Variants in AAK1 observed in about 807,000 individuals in gnomAD.
The protein encoded by AAK1 is AP2-associated protein kinase 1.
A neutral mutation model predicts 116.0 loss-of-function variants in AAK1; 37 were observed. The observed-to-expected ratio is 0.32, with a 90% CI of 0.25 to 0.42. The LOEUF is 0.42. AAK1 is among the 10% of genes least tolerant of loss of function. AAK1 has a pLI of 1.00. For synonymous variants in AAK1, 458 were observed against 439.9 expected (o/e 1.04, Z -0.51); for missense variants, 919 against 1,170.6 (o/e 0.79, Z 3.14).
chr2:69,514,353 C>G, intron 13 of AAK1, 118 bp downstream of exon 13: 2 of 1,316,438 alleles, frequency 1.5e-6, no homozygotes, highest in Non-Finnish European at 2.0e-6. Flanking sequence ...ATTGAACCAC[C>G]CAGGTGGGAA....
At chr2:69,604,122 T>C (rs1416735820) in intron 2 of AAK1, among the ~76,000 whole-genome samples, 1 of 152,186 alleles carries the variant, frequency 6.6e-6, no homozygotes, top group Non-Finnish European at 1.5e-5. Flanking sequence ...TCTCCAGTGT[T>C]ATTTTGACCA....
intron 5 of AAK1, among the ~76,000 whole-genome samples, chr2:69,536,506 T>A (rs954377868): frequency 1.3e-5 from 2 of 152,186 alleles, no homozygotes; most frequent in African/African-American, 4.8e-5. Context: ...TAGACAGTCG[T>A]ACACCACCTT....
chr2:69,598,246 A>G, intron 2 of AAK1: 2 of 493,510 alleles, frequency 4.1e-6, no homozygotes, highest in Non-Finnish European at 6.6e-6. Flanking sequence ...GAAACCAGAG[A>G]AGTTTTTCAC....
Position 69,478,943 on chromosome 2 carries a change from G to A in AAK1, c.2680+8C>T. On this transcript the variant is annotated splice_region_variant and intron_variant, in intron 20 of 21. Transcript: ENST00000409085. ...CACATGTGGGCCTGAGAAGAAGAAAGCATTTACCTTTATGGACTGGAGCAG... is the reference window on the plus strand; with the variant it reads ...CACATGTGGGCCTGAGAAGAAGAAAACATTTACCTTTATGGACTGGAGCAG... 6.3e-7 allele frequency: 1 copy of A among 1,598,170 alleles called. No individual in the cohort carries two copies. Among genetic ancestry groups the A allele is most frequent in the South Asian group, 1.1e-5 (1 of 90,740 alleles).
At chr2:69,638,308 C>A (rs1313371231) in intron 2 of AAK1, among the ~76,000 whole-genome samples, 2 of 152,228 alleles carry the variant, frequency 1.3e-5, no homozygotes, top group Non-Finnish European at 2.9e-5. Context: ...CCTGTTCATA[C>A]CTTTCGGTAA....
intron 2 of AAK1, among the ~76,000 whole-genome samples, chr2:69,583,216 G>T (rs931760294): frequency 5.9e-5 from 9 of 152,188 alleles, no homozygotes; most frequent in African/African-American, 2.2e-4. Context: ...CCACATTTTG[G>T]TGATTCTTCA....
rs996269378 is a variant in AAK1 at position 69,474,666 on chromosome 2, T to A, written c.*1203A>T. 1 of 985,664 alleles carries A rather than the reference T, an allele frequency of 1.0e-6. No individual in the cohort carries two copies. The highest frequency in any genetic ancestry group is 1.7e-5 in the African/African-American group (1 of 57,232). 61.1% of individuals were successfully genotyped at this position (985,664 alleles called of 1,614,324 possible). A position where few individuals can be genotyped will look rare whatever the true frequency, so the allele number is the denominator to read the frequency against. On this transcript the variant is annotated 3_prime_UTR_variant, in exon 22 of 22. Coordinates refer to ENST00000409085, the MANE Select transcript of AAK1 (RefSeq NM_014911.5). Reference sequence around the variant, plus strand: ...GATTGTGTCCAGCTTGTCAGCACACTTATTTCTGATTATCTGAAAATAAAC... The same window carrying A: ...GATTGTGTCCAGCTTGTCAGCACACATATTTCTGATTATCTGAAAATAAAC...
At chr2:69,530,265 T>C (rs1190219381) in intron 7 of AAK1, 125 bp from the exon 8 acceptor site, 2 of 1,019,644 alleles carry the variant, frequency 2.0e-6, no homozygotes, top group East Asian at 2.8e-5. Flanking sequence ...TATTAATGTA[T>C]TAGAAACATG....
At chr2:69,487,262 A>G (rs535231484) in intron 17 of AAK1, among the ~76,000 whole-genome samples, 3 of 152,352 alleles carry the variant, frequency 2.0e-5, no homozygotes, top group East Asian at 3.9e-4. Flanking sequence ...CAGTCTATAA[A>G]TCATGGAGCC....
At chr2:69,642,071 G>A (rs1208676368) in intron 2 of AAK1, among the ~76,000 whole-genome samples, 1 of 152,110 alleles carries the variant, frequency 6.6e-6, no homozygotes, top group Non-Finnish European at 1.5e-5. Flanking sequence ...AAGCCTGGGG[G>A]AATCAAGATG....
Position 69,643,626 on chromosome 2 carries a change from C to G in AAK1, c.-286G>C, listed in dbSNP as rs1675858464. ...TGCTACCAGCCCCGCGACATTGTCA[C>G]GGCCGCCGGGCCGGCCTGCGACGCA... On this transcript the variant is annotated 5_prime_UTR_variant, in exon 1 of 22. Transcript: ENST00000409085. 1 of 1,228,548 alleles carries G rather than the reference C, an allele frequency of 8.1e-7. No individual in the cohort carries two copies. The highest frequency in any genetic ancestry group is 1.0e-6 in the Non-Finnish European group (1 of 986,026). The allele number at this position is 1,228,548 out of a possible 1,614,324, so 76.1% of individuals were successfully genotyped here.
chr2:69,539,618 A>C (rs1670619436), intron 5 of AAK1, among the ~76,000 whole-genome samples: 1 of 152,234 alleles, frequency 6.6e-6, no homozygotes, highest in Admixed American at 6.5e-5. Context: ...TCATTGTTAA[A>C]GGCAACTAGG....
chr2:69,468,411 A>G lies in AAK1; in HGVS notation c.*7458T>C, dbSNP rs1417326982. On this transcript the variant is annotated 3_prime_UTR_variant, in exon 22 of 22. Coordinates refer to ENST00000409085, the MANE Select transcript of AAK1 (RefSeq NM_014911.5). Reference sequence around the variant, plus strand: ...AGAGGGCCCTAAAACTCCTTGAACCACCTTCCTCACATAGTATCAGTTGGA... The same window carrying G: ...AGAGGGCCCTAAAACTCCTTGAACCGCCTTCCTCACATAGTATCAGTTGGA... 1 of 985,306 alleles carries G rather than the reference A, an allele frequency of 1.0e-6. No homozygotes were observed. Among genetic ancestry groups the G allele is most frequent in the Non-Finnish European group, 1.2e-6 (1 of 829,922 alleles). 61.0% of individuals were successfully genotyped at this position (985,306 alleles called of 1,614,324 possible).
intron 2 of AAK1, among the ~76,000 whole-genome samples, chr2:69,595,389 T>C (rs1466171423): frequency 6.6e-6 from 1 of 152,246 alleles, no homozygotes; most frequent in African/African-American, 2.4e-5. Flanking sequence ...GTGTTGGGAT[T>C]ACAGGCGTGA....
At chr2:69,563,472 G>A (rs2105100636) in intron 2 of AAK1, among the ~76,000 whole-genome samples, 1 of 152,270 alleles carries the variant, frequency 6.6e-6, no homozygotes, top group South Asian at 2.1e-4. Context: ...TTAAAATCAG[G>A]CCTAGATTCT....
At chr2:69,532,456 A>G (rs1303886180) in intron 5 of AAK1, among the ~76,000 whole-genome samples, 1 of 152,128 alleles carries the variant, frequency 6.6e-6, no homozygotes, top group Non-Finnish European at 1.5e-5. Context: ...TGCAGAAACC[A>G]TCCTCATACT....
At chr2:69,562,369 C>T (rs556209723) in intron 2 of AAK1, among the ~76,000 whole-genome samples, 32 of 152,264 alleles carry the variant, frequency 2.1e-4, no homozygotes, top group African/African-American at 7.7e-4. Flanking sequence ...CCATCACTTT[C>T]CTGATAAAAG....
In AAK1 at chr2:69,530,872, T is replaced by A. The variant is rs573234170; in HGVS notation, c.657-166A>T. ...AGATAAAATGAAAGGCTGTCCTTGG[T>A]ACAATCATATCATCACACCAAGGCG... is the stretch of plus-strand genomic sequence containing the variant. On this transcript the variant is annotated intron_variant, in intron 6 of 21. Transcript: ENST00000409085. Among the ~76,000 whole-genome samples, 5 of 152,338 alleles carry A rather than the reference T, an allele frequency of 3.3e-5. No individual in the cohort carries two copies. The South Asian group carries it at 1.0e-3, about 32-fold the overall frequency.
Position 69,527,299 on chromosome 2 carries a change from G to C in AAK1, c.892C>G (p.Pro298Ala). Residue 298 changes from proline to alanine, a missense_variant, in exon 9 of 22, where the codon CCT becomes GCT. Coordinates refer to ENST00000409085, the MANE Select transcript of AAK1 (RefSeq NM_014911.5). ...TGGTAAATATCCGGCCTTTTGTCAGGGTCTGGTTCCAACATATACCCTAAG... is the reference window on the plus strand; with the variant it reads ...TGGTAAATATCCGGCCTTTTGTCAGCGTCTGGTTCCAACATATACCCTAAG... ...CLIRYMLEPDPDKRPDIYQVS... is the reference protein window; with the variant it reads ...CLIRYMLEPDADKRPDIYQVS... 1 of 1,606,348 alleles carries C rather than the reference G, an allele frequency of 6.2e-7. No individual in the cohort carries two copies. Among genetic ancestry groups the C allele is most frequent in the Non-Finnish European group, 8.5e-7 (1 of 1,175,752 alleles).
Sources: gnomAD v4.1 joint callset for allele counts (sites outside exome capture counted in the v4.1 genomes callset) on GRCh38, gnomAD v4.1.1 for gene constraint, MANE v1.5 for transcripts, NCBI Gene and HGNC (gene_info 2026-07-23, HGNC 2026-07-21) for gene names.